The following IL1RAPL2 variants were observed in gnomAD, a reference collection of about 807,000 sequenced individuals.
The protein encoded by IL1RAPL2 is X-linked interleukin-1 receptor accessory protein-like 2.
Under a neutral mutation model 44.1 loss-of-function variants are expected in IL1RAPL2, and 3 were observed. The ratio of observed to expected loss-of-function variants is 0.07; its 90% CI spans 0.03 to 0.18. IL1RAPL2 has a LOEUF of 0.18. Ranked by LOEUF, IL1RAPL2 falls within the 10% of genes least tolerant of loss-of-function variation. The pLI, the probability that IL1RAPL2 is intolerant of heterozygous loss-of-function variation, is 1.00. For synonymous variants in IL1RAPL2, 181 were observed against 178.8 expected, an observed-to-expected ratio of 1.01 and a Z score of -0.10; for missense variants, 391 against 496.4, an observed-to-expected ratio of 0.79 and a Z score of 2.02.
intron 7 of IL1RAPL2, among the ~76,000 whole-genome samples, chrX:105,725,643 C>T (rs1396057377): frequency 1.8e-5 from 2 of 111,371 alleles, no homozygotes; most frequent in African/African-American, 6.5e-5. Context: ...TGTTGTTTGT[C>T]CCTAAAATAC....
intron 7 of IL1RAPL2, among the ~76,000 whole-genome samples, chrX:105,722,155 A>G (rs2038310765): frequency 8.9e-6 from 1 of 112,091 alleles, no homozygotes; most frequent in African/African-American, 3.2e-5. Context: ...CCTGTACAGC[A>G]TATTATTGTA....
intron 2 of IL1RAPL2, among the ~76,000 whole-genome samples, chrX:104,929,690 C>T (rs949736679): frequency 1.8e-5 from 2 of 111,879 alleles, no homozygotes; most frequent in Admixed American, 9.5e-5. Context: ...ACATGCACAC[C>T]TGACATCTTC....
At chrX:105,363,172 A>G (rs377747404) in intron 5 of IL1RAPL2, among the ~76,000 whole-genome samples, 2 of 105,256 alleles carry the variant, frequency 1.9e-5, no homozygotes, top group South Asian at 4.1e-4. Flanking sequence ...AGATTAATCT[A>G]TGTTGTCACA....
At chrX:105,721,384 A>G (rs1045727972) in intron 7 of IL1RAPL2, among the ~76,000 whole-genome samples, 1 of 108,662 alleles carries the variant, frequency 9.2e-6, no homozygotes, top group Non-Finnish European at 1.9e-5. Flanking sequence ...CTATTGCACT[A>G]TAGCCCGGGT....
At chrX:104,934,794 A>G (rs1924989303) in intron 2 of IL1RAPL2, among the ~76,000 whole-genome samples, 1 of 112,459 alleles carries the variant, frequency 8.9e-6, no homozygotes, top group African/African-American at 3.2e-5. Flanking sequence ...TGCTACTGCA[A>G]ATGGCATCTT....
intron 2 of IL1RAPL2, among the ~76,000 whole-genome samples, chrX:104,822,105 G>T (rs1921320520): frequency 1.8e-5 from 2 of 110,098 alleles, no homozygotes; most frequent in African/African-American, 6.6e-5. Context: ...TTTTGTTGTT[G>T]TTGTTGTTGT....
chrX:105,075,254 G>A (rs1318610592), intron 2 of IL1RAPL2, among the ~76,000 whole-genome samples: 5 of 111,741 alleles, frequency 4.5e-5, no homozygotes, highest in Non-Finnish European at 7.5e-5. Flanking sequence ...AGCATGAAGG[G>A]TTGTTGAATT....
intron 2 of IL1RAPL2, among the ~76,000 whole-genome samples, chrX:104,941,055 G>A (rs1013204303): frequency 7.2e-5 from 8 of 110,457 alleles, no homozygotes; most frequent in African/African-American, 1.7e-4. Flanking sequence ...TGGCTGCATA[G>A]TAATCCATGG....
chrX:105,570,690 A>G (rs930978150), intron 6 of IL1RAPL2, among the ~76,000 whole-genome samples: 6 of 112,277 alleles, frequency 5.3e-5, no homozygotes, highest in African/African-American at 1.9e-4. Flanking sequence ...CAAGGCTTGA[A>G]GCAATGTCAT....
At chrX:104,583,671 CT>C (rs1928456795) in intron 1 of IL1RAPL2, among the ~76,000 whole-genome samples, 1 of 111,730 alleles carries the variant, frequency 9.0e-6, no homozygotes, top group East Asian at 2.8e-4. Context: ...GTTGTTTCCA[CT>C]TTTTTGCTAT....
At chrX:105,179,966 G>A (rs1287225939) in intron 2 of IL1RAPL2, among the ~76,000 whole-genome samples, 1 of 110,065 alleles carries the variant, frequency 9.1e-6, no homozygotes, top group Non-Finnish European at 1.9e-5. Context: ...TTCCAATTTG[G>A]ATGTCTTTTT....
intron 5 of IL1RAPL2, among the ~76,000 whole-genome samples, chrX:105,372,099 T>C (rs145872875): frequency 5.1e-4 from 57 of 111,336 alleles, no homozygotes; most frequent in African/African-American, 1.6e-3. Context: ...AGAAGACTTA[T>C]TACCTCTTAA....
intron 2 of IL1RAPL2, among the ~76,000 whole-genome samples, chrX:105,137,133 T>C (rs1045201008): frequency 4.5e-5 from 5 of 111,362 alleles, no homozygotes; most frequent in African/African-American, 1.6e-4. Context: ...GTAGAGAGAG[T>C]AGACAGCACT....
At chrX:105,362,442 C>G (rs184994570) in intron 5 of IL1RAPL2, among the ~76,000 whole-genome samples, 1 of 111,088 alleles carries the variant, frequency 9.0e-6, no homozygotes, top group African/African-American at 3.3e-5. Flanking sequence ...TACAATTTCA[C>G]TATTATATAC....
chrX:105,743,235 T>G (rs929229657), intron 8 of IL1RAPL2, among the ~76,000 whole-genome samples: 1 of 111,868 alleles, frequency 8.9e-6, no homozygotes, highest in Non-Finnish European at 1.9e-5. Flanking sequence ...AACCCTCCAT[T>G]CACAGTTCCT....
intron 3 of IL1RAPL2, 75 bp downstream of exon 3, chrX:105,195,823 A>G: frequency 1.0e-6 from 1 of 983,030 alleles, no homozygotes; most frequent in Non-Finnish European, 1.4e-6. Context: ...ACATGTAGGT[A>G]TGCCTCATGT....
chrX:105,073,497 A>G (rs1256338195), intron 2 of IL1RAPL2, among the ~76,000 whole-genome samples: 1 of 110,519 alleles, frequency 9.0e-6, no homozygotes, highest in Non-Finnish European at 1.9e-5. Flanking sequence ...CAGTGCCGCA[A>G]TAAACATATG....
At chrX:105,218,663 A>T (rs1256302161) in intron 3 of IL1RAPL2, among the ~76,000 whole-genome samples, 1 of 110,083 alleles carries the variant, frequency 9.1e-6, no homozygotes, top group African/African-American at 3.3e-5. Flanking sequence ...TGGAATACAA[A>T]GGGGGTCACC....
chrX:104,891,686 G>A (rs1923444675), intron 2 of IL1RAPL2, among the ~76,000 whole-genome samples: 1 of 112,098 alleles, frequency 8.9e-6, no homozygotes, highest in African/African-American at 3.2e-5. Flanking sequence ...AGCTTATGGA[G>A]ATTTTGGGCT....
Sources: allele counts gnomAD v4.1 joint callset (sites outside exome capture counted in the v4.1 genomes callset), GRCh38; gene constraint gnomAD v4.1.1; transcripts MANE v1.5; gene names NCBI Gene and HGNC (gene_info 2026-07-23, HGNC 2026-07-21).